CHODL: variants seen among roughly 807,000 people sequenced by gnomAD.
CHODL encodes the protein chondrolectin.
A neutral mutation model predicts 34.5 loss-of-function variants in CHODL; 29 were observed. The observed-to-expected ratio is 0.84, with a 90% confidence interval of 0.63 to 1.15. The LOEUF (loss-of-function observed/expected upper bound fraction) is 1.15, where lower values mean the gene tolerates loss of function less well. CHODL is among the 50% of genes most tolerant of loss of function. The probability of loss-of-function intolerance (pLI) is 0.00; values close to 1 mark genes in which losing one functional copy is unlikely to be tolerated. For missense variants in CHODL, 332 were observed against 332.5 expected, an observed-to-expected ratio of 1.00 and a Z score of 0.01; for synonymous variants, 125 against 116.1, an observed-to-expected ratio of 1.08 and a Z score of -0.49.
At chr21:18,259,489 C>A (rs1601221709) in intron 3 of CHODL, among the ~76,000 whole-genome samples, 1 of 152,234 alleles carries the variant, frequency 6.6e-6, no homozygotes, top group East Asian at 1.9e-4. Context: ...ACGTAACAAA[C>A]CTGCACATTC....
intron 2 of CHODL, among the ~76,000 whole-genome samples, chr21:18,182,711 G>A (rs2073395724): frequency 6.6e-6 from 1 of 152,050 alleles, no homozygotes; most frequent in East Asian, 1.9e-4. Flanking sequence ...TGCCCAATCA[G>A]TTTTATGTAA....
chr21:18,024,193 C>G (rs1338018032), intron 1 of CHODL, among the ~76,000 whole-genome samples: 1 of 152,156 alleles, frequency 6.6e-6, no homozygotes, highest in Non-Finnish European at 1.5e-5. Context: ...CGAGGAGATT[C>G]AAAACCTAAA....
chr21:18,121,420 A>G (rs1223526437), intron 2 of CHODL, among the ~76,000 whole-genome samples: 2 of 152,306 alleles, frequency 1.3e-5, no homozygotes, highest in East Asian at 3.9e-4. Flanking sequence ...AGTACTGACT[A>G]TGCCTACAAT....
At chr21:18,169,208 AT>A (rs1260208086) in intron 2 of CHODL, among the ~76,000 whole-genome samples, 2 of 152,170 alleles carry the variant, frequency 1.3e-5, no homozygotes, top group East Asian at 3.9e-4. Flanking sequence ...TTGGAGGTTG[AT>A]TCAGATGTTT....
intron 1 of CHODL, among the ~76,000 whole-genome samples, chr21:17,985,333 A>G (rs2063745182): frequency 6.6e-6 from 1 of 152,204 alleles, no homozygotes; most frequent in Non-Finnish European, 1.5e-5. Flanking sequence ...CCTGTAGCCA[A>G]CATTGAGTTA....
chr21:18,230,995 T>C (rs2073973369), intron 2 of CHODL, among the ~76,000 whole-genome samples: 1 of 152,130 alleles, frequency 6.6e-6, no homozygotes, highest in South Asian at 2.1e-4. Context: ...TCAACCCTTA[T>C]AATGAATTTG....
intron 2 of CHODL, among the ~76,000 whole-genome samples, chr21:18,064,575 G>A (rs1414468977): frequency 6.6e-6 from 1 of 152,126 alleles, no homozygotes; most frequent in African/African-American, 2.4e-5. Context: ...TGGCTTATGA[G>A]CCTGCCAGCT....
At chr21:18,190,548 T>A (rs2073498758) in intron 2 of CHODL, among the ~76,000 whole-genome samples, 1 of 152,204 alleles carries the variant, frequency 6.6e-6, no homozygotes, top group African/African-American at 2.4e-5. Flanking sequence ...TCTTACTCAG[T>A]AAAAAGGCTC....
chr21:18,246,082 G>A (rs145550037), intron 1 of CHODL: 38 of 738,588 alleles, frequency 5.1e-5, no homozygotes, highest in African/African-American at 4.7e-4. Context: ...TCCTGTCGTT[G>A]AGCGATTTAT....
At chr21:18,054,559 A>T (rs2064555857) in intron 2 of CHODL, among the ~76,000 whole-genome samples, 1 of 151,988 alleles carries the variant, frequency 6.6e-6, no homozygotes, top group Non-Finnish European at 1.5e-5. Context: ...ACAAATGTTA[A>T]ATTCATAGAA....
At chr21:18,105,473 T>C (rs1011833399) in intron 2 of CHODL, among the ~76,000 whole-genome samples, 1 of 152,180 alleles carries the variant, frequency 6.6e-6, no homozygotes, top group Non-Finnish European at 1.5e-5. Context: ...TCAGTCAAAG[T>C]TGGATTTTGT....
chr21:18,008,982 G>A (rs1255742501), intron 1 of CHODL, among the ~76,000 whole-genome samples: 1 of 152,082 alleles, frequency 6.6e-6, no homozygotes, highest in African/African-American at 2.4e-5. Flanking sequence ...TTTATTTTAA[G>A]ACAATACTGG....
intron 1 of CHODL, among the ~76,000 whole-genome samples, chr21:17,994,105 G>T (rs1374918429): frequency 2.0e-5 from 3 of 151,776 alleles, no homozygotes; most frequent in Non-Finnish European, 2.9e-5. Flanking sequence ...GGTCTCTATT[G>T]AGTTCTGCTC....
At chr21:18,061,966 A>T (rs2064672444) in intron 2 of CHODL, among the ~76,000 whole-genome samples, 1 of 152,222 alleles carries the variant, frequency 6.6e-6, no homozygotes, top group African/African-American at 2.4e-5. Flanking sequence ...GACTCATCGG[A>T]TAAGATGCCA....
intron 2 of CHODL, among the ~76,000 whole-genome samples, chr21:18,072,490 A>G (rs1259290326): frequency 6.6e-6 from 1 of 152,154 alleles, no homozygotes; most frequent in Non-Finnish European, 1.5e-5. Flanking sequence ...GGAATTTAGG[A>G]GAAGACTCTA....
At position 18,080,709 on chromosome 21, in the gene CHODL, T is replaced by C. The variant is rs369869929; in HGVS notation, c.-45+52738T>C. 6.6e-5 allele frequency among the ~76,000 whole-genome samples: 10 copies of C among 152,324 alleles called. No individual in the cohort carries two copies. In the East Asian group the frequency reaches 1.7e-3, roughly 26 times the overall value. On this transcript the variant is annotated intron_variant, in intron 2 of 6. Coordinates refer to the CHODL transcript ENST00000400127. ...ATCTATGTGACTATTTTTATTTTTA[T>C]ACTAGTACCTTCTGTTTTAGTCACT... is the stretch of plus-strand genomic sequence containing the variant.
chr21:17,953,242 ATAAGT>A (rs1269828329), intron 1 of CHODL, among the ~76,000 whole-genome samples: 1 of 152,240 alleles, frequency 6.6e-6, no homozygotes, highest in Non-Finnish European at 1.5e-5. Context: ...GCAGACTGTA[ATAAGT>A]TAAGGATGCA....
chr21:18,167,209 CTCTGTGTGTGTGTGTGTG>C (rs1262038944), intron 2 of CHODL, among the ~76,000 whole-genome samples: 2 of 129,068 alleles, frequency 1.5e-5, no homozygotes, highest in South Asian at 2.7e-4. Flanking sequence ...ATTTCTCTCT[CTCTGTGTGTGTGTGTGTG>C]TGTGTGTGTG....
At chr21:18,257,177 T>C in intron 3 of CHODL, 50 bp downstream of exon 3, 1 of 1,502,062 alleles carries the variant, frequency 6.7e-7, no homozygotes, top group Non-Finnish European at 8.9e-7. Context: ...TGTTTAATTG[T>C]ATTAAGTTTT....
Sources: allele counts gnomAD v4.1 joint callset (sites outside exome capture counted in the v4.1 genomes callset), GRCh38; gene constraint gnomAD v4.1.1; transcripts MANE v1.5; gene names NCBI Gene and HGNC (gene_info 2026-07-23, HGNC 2026-07-21).